The following STX18 variants were observed in gnomAD, a reference collection of about 807,000 sequenced individuals.
The protein encoded by STX18 is syntaxin-18.
Under a neutral mutation model 50.1 loss-of-function variants are expected in STX18, and 40 were observed. That is an observed-to-expected ratio of 0.80 (90% CI 0.62 to 1.04). The LOEUF is 1.04. STX18 is among the 50% of genes least tolerant of loss of function. The probability of loss-of-function intolerance (pLI) is 0.00; values close to 1 mark genes in which losing one functional copy is unlikely to be tolerated. For synonymous variants in STX18, 158 were observed against 151.8 expected (o/e 1.04, Z -0.30); for missense variants, 410 against 415.8 (o/e 0.99, Z 0.12).
At chr4:4,465,173 G>T (rs1439429085) in intron 2 of STX18, among the ~76,000 whole-genome samples, 1 of 152,096 alleles carries the variant, frequency 6.6e-6, no homozygotes, top group African/African-American at 2.4e-5. Flanking sequence ...CAACCACTGT[G>T]GAAGACAGTG....
At chr4:4,527,484 CT>C in intron 1 of STX18, among the ~76,000 whole-genome samples, 1 of 151,992 alleles carries the variant, frequency 6.6e-6, no homozygotes, top group East Asian at 1.9e-4. Context: ...ATATAATTCC[CT>C]TTTAATATTA....
chr4:4,445,313 G>A (rs1388853491), intron 5 of STX18, among the ~76,000 whole-genome samples: 1 of 152,146 alleles, frequency 6.6e-6, no homozygotes, highest in African/African-American at 2.4e-5. Flanking sequence ...GGCTGAGGCA[G>A]GAGAATTGCT....
At chr4:4,442,323 G>GA (rs530567363) in intron 5 of STX18, among the ~76,000 whole-genome samples, 3,271 of 148,996 alleles carry the variant, frequency 0.022, 48 homozygotes, top group South Asian at 0.034. Context: ...CCACACATAT[G>GA]AAAAAAAAAA....
At chr4:4,490,955 T>C (rs1255063631) in intron 1 of STX18, among the ~76,000 whole-genome samples, 1 of 152,078 alleles carries the variant, frequency 6.6e-6, no homozygotes, top group Non-Finnish European at 1.5e-5. Flanking sequence ...TTTTCCCAAC[T>C]TAAATAAAAA....
At chr4:4,469,283 T>C (rs1727789707) in intron 2 of STX18, among the ~76,000 whole-genome samples, 1 of 152,098 alleles carries the variant, frequency 6.6e-6, no homozygotes, top group Non-Finnish European at 1.5e-5. Context: ...TTTTAAAGGT[T>C]GTAAAAAAAA....
intron 7 of STX18, 96 bp from the exon 8 acceptor site, chr4:4,425,318 A>C (rs1725191405): frequency 2.2e-5 from 25 of 1,143,724 alleles, no homozygotes; most frequent in Non-Finnish European, 3.3e-5. Context: ...TCACTGCCGA[A>C]GCCCCCATTT....
At position 4,503,814 on chromosome 4, in the gene STX18, TA is replaced by T. The variant is rs1186016561; in HGVS notation, c.169-32109del. On this transcript the variant is annotated intron_variant, in intron 1 of 10. Transcript: ENST00000306200. ...GTTTTTTTCAACAAATGATGGTGGA[TA>T]TCAAATATGGTATTCAGATTCCATG... 3.9e-5 allele frequency among the ~76,000 whole-genome samples: 6 copies of T among 152,188 alleles called. No homozygotes were observed. In the East Asian group the frequency reaches 1.2e-3, roughly 29 times the overall value.
intron 1 of STX18, among the ~76,000 whole-genome samples, chr4:4,472,080 A>T (rs1324651456): frequency 6.6e-6 from 1 of 152,238 alleles, no homozygotes; most frequent in East Asian, 1.9e-4. Flanking sequence ...AAGTGTTCTA[A>T]GGGACAGTTC....
intron 1 of STX18, among the ~76,000 whole-genome samples, chr4:4,492,582 A>T (rs1387956700): frequency 1.3e-5 from 2 of 152,162 alleles, no homozygotes; most frequent in East Asian, 3.8e-4. Context: ...GGAAACTGAA[A>T]ATATTTTTCA....
chr4:4,481,391 A>G (rs1728453451), intron 1 of STX18, among the ~76,000 whole-genome samples: 1 of 152,246 alleles, frequency 6.6e-6, no homozygotes, highest in African/African-American at 2.4e-5. Flanking sequence ...GCAAGAAACA[A>G]GCATTGTTCA....
chr4:4,542,155 C>T (rs1161284168), upstream of STX18: 9 of 680,888 alleles, frequency 1.3e-5, no homozygotes, highest in Non-Finnish European at 2.0e-5. Context: ...CCTCAGCCGG[C>T]GCACCTGGCG....
intron 1 of STX18, among the ~76,000 whole-genome samples, chr4:4,522,734 C>T (rs897210705): frequency 6.6e-6 from 1 of 152,062 alleles, no homozygotes; most frequent in Non-Finnish European, 1.5e-5. Flanking sequence ...AAAAGTATAA[C>T]AAAGTCAGAG....
At chr4:4,485,010 C>T (rs1182359988) in intron 1 of STX18, among the ~76,000 whole-genome samples, 4 of 152,206 alleles carry the variant, frequency 2.6e-5, no homozygotes, top group African/African-American at 4.8e-5. Flanking sequence ...CAATCCAAAC[C>T]CCATCTGGTC....
chr4:4,439,855 A>G (rs1483994504), intron 5 of STX18, among the ~76,000 whole-genome samples: 2 of 152,086 alleles, frequency 1.3e-5, no homozygotes, highest in African/African-American at 2.4e-5. Context: ...ACCTACTCAG[A>G]GAGGCCACCT....
intron 1 of STX18, among the ~76,000 whole-genome samples, chr4:4,524,441 T>C (rs527575437): frequency 4.8e-4 from 73 of 152,346 alleles, no homozygotes; most frequent in African/African-American, 1.8e-3. Flanking sequence ...TATATCCTTT[T>C]AGTGGCAACA....
chr4:4,489,109 A>C (rs994774923), intron 1 of STX18, among the ~76,000 whole-genome samples: 11 of 152,126 alleles, frequency 7.2e-5, no homozygotes, highest in African/African-American at 2.4e-4. Context: ...TTTTATCTCA[A>C]AGTTCTGAGA....
chr4:4,515,977 C>A (rs1400571879), intron 1 of STX18, among the ~76,000 whole-genome samples: 2 of 152,106 alleles, frequency 1.3e-5, no homozygotes, highest in Non-Finnish European at 2.9e-5. Context: ...TACCTCAAAT[C>A]TAAGAAGGTA....
chr4:4,528,640 GGTT>G (rs1354523728), intron 1 of STX18, among the ~76,000 whole-genome samples: 1 of 152,248 alleles, frequency 6.6e-6, no homozygotes, highest in East Asian at 1.9e-4. Context: ...AACTAATACA[GGTT>G]GTGTGGCTAA....
At chr4:4,519,701 C>T (rs1202080946) in intron 1 of STX18, among the ~76,000 whole-genome samples, 3 of 152,184 alleles carry the variant, frequency 2.0e-5, no homozygotes, top group African/African-American at 7.2e-5. Context: ...GTTGTTAAAT[C>T]ATCATCTACT....
Sources: gnomAD v4.1 joint callset for allele counts (sites outside exome capture counted in the v4.1 genomes callset) on GRCh38, gnomAD v4.1.1 for gene constraint, MANE v1.5 for transcripts, NCBI Gene and HGNC (gene_info 2026-07-23, HGNC 2026-07-21) for gene names.